TPCN2: variants seen among roughly 807,000 people sequenced by gnomAD.
The protein encoded by TPCN2 is two pore segment channel 2.
A neutral mutation model predicts 111.4 loss-of-function variants in TPCN2; 92 were observed. The observed-to-expected ratio is 0.83, with a 90% CI of 0.70 to 0.98. The LOEUF (loss-of-function observed/expected upper bound fraction) is 0.98. TPCN2 is among the 50% of genes least tolerant of loss of function. TPCN2 has a pLI of 0.00. For missense variants in TPCN2, 995 were observed against 980.1 expected, an observed-to-expected ratio of 1.02 and a Z score of -0.20; for synonymous variants, 405 against 414.5, an observed-to-expected ratio of 0.98 and a Z score of 0.28.
Position 69,087,910 on chromosome 11 carries a change from C to T in TPCN2, c.2216C>T (p.Thr739Ile). 1.2e-6 allele frequency: 2 copies of T among 1,612,486 alleles called. No individual in the cohort carries two copies. The highest frequency in any genetic ancestry group is 8.5e-7 in the Non-Finnish European group (1 of 1,179,886). The change falls in exon 25 of 25, where the codon ACA (threonine) becomes ATA (isoleucine). Residue 739 changes from threonine to isoleucine, a missense_variant. Coordinates refer to ENST00000294309, the MANE Select transcript of TPCN2 (RefSeq NM_139075.4). ...ILEEPGEDEL[T>I]ERLSQHPHLW... ...GAGGAGCCCGGGGAGGATGAGCTCACAGAGAGGCTGAGCCAGCACCCGCAC... is the reference window on the plus strand; with the variant it reads ...GAGGAGCCCGGGGAGGATGAGCTCATAGAGAGGCTGAGCCAGCACCCGCAC...
At chr11:69,054,913 G>C (rs142189338) in intron 3 of TPCN2, 116 bp downstream of exon 3, 3 of 1,065,938 alleles carry the variant, frequency 2.8e-6, no homozygotes, top group African/African-American at 3.1e-5. Context: ...CCACTACATA[G>C]ATAGGGCGGT....
chr11:69,078,456 T>C lies in TPCN2; in HGVS notation c.1231-26T>C. 4 of 1,613,348 alleles carry C rather than the reference T, an allele frequency of 2.5e-6. No homozygotes were observed. The South Asian group carries it at 4.4e-5, about 18-fold the overall frequency. The stretch of plus-strand genomic sequence containing the variant: ...ACAGCCACGGCTGCTGGCCTGTGCT[T>C]CTGAGCACGTGTGTTCCTTGCCCAG... On this transcript the variant is annotated intron_variant, in intron 13 of 24. Transcript: ENST00000294309.
chr11:69,063,536 C>T (rs887233148), intron 6 of TPCN2, among the ~76,000 whole-genome samples: 6 of 152,226 alleles, frequency 3.9e-5, no homozygotes, highest in East Asian at 3.9e-4. Flanking sequence ...CCAGTGGCAG[C>T]GTTGCCCGAG....
At chr11:69,085,343 G>GT in intron 20 of TPCN2, 57 bp downstream of exon 20, 3 of 581,882 alleles carry the variant, frequency 5.2e-6, no homozygotes, top group East Asian at 4.3e-5. Context: ...GGGTGGGCGG[G>GT]AAGCCTTGGC....
chr11:69,085,833 T>TCTCTGCCCCCGCAGGCTGCC lies in TPCN2; in HGVS notation c.1921-12_1928dup. 3.1e-6 allele frequency: 5 copies of TCTCTGCCCCCGCAGGCTGCC among 1,613,808 alleles called. No homozygotes were observed. Among genetic ancestry groups the TCTCTGCCCCCGCAGGCTGCC allele is most frequent in the Non-Finnish European group, 4.2e-6 (5 of 1,179,944 alleles). On this transcript the variant is annotated splice_polypyrimidine_tract_variant and intron_variant, in intron 21 of 24. Transcript: ENST00000294309. ...CTCCTGGGCCCTCCTGGACCGCTGG[T>TCTCTGCCCCCGCAGGCTGCC]CTCTGCCCCCGCAGGCTGCCCTGGT...
chr11:69,084,955 C>T (rs370595182), intron 19 of TPCN2: 2 of 384,780 alleles, frequency 5.2e-6, no homozygotes, highest in Non-Finnish European at 7.1e-6. Context: ...GCCAGGGTAC[C>T]TGGGGGCAGG....
intron 1 of TPCN2, among the ~76,000 whole-genome samples, chr11:69,051,426 T>C (rs1342600282): frequency 6.6e-6 from 1 of 152,204 alleles, no homozygotes; most frequent in Non-Finnish European, 1.5e-5. Context: ...ACTTAGCTCC[T>C]ATTGGGTGGG....
chr11:69,079,727 C>A, intron 16 of TPCN2, 107 bp from the exon 17 acceptor site: 1 of 1,032,806 alleles, frequency 9.7e-7, no homozygotes, highest in South Asian at 1.6e-5. Flanking sequence ...TCCCCAAAAG[C>A]CCCTTTTGGG....
At chr11:69,071,130 G>A (rs139445063) in intron 9 of TPCN2, among the ~76,000 whole-genome samples, 12,651 of 135,088 alleles carry the variant, frequency 0.094, 846 homozygotes, top group South Asian at 0.15. Context: ...TTCACCCCAG[G>A]GATCCCCCAC....
Position 69,055,273 on chromosome 11 carries a change from C to T in TPCN2, c.350C>T (p.Pro117Leu), listed in dbSNP as rs1213920004. 1.9e-6 allele frequency: 3 copies of T among 1,614,106 alleles called. No individual in the cohort carries two copies. The highest frequency in any genetic ancestry group is 4.5e-5 in the East Asian group (2 of 44,880). The change falls in exon 4 of 25, where the codon CCC becomes CTC. Residue 117 changes from proline (P) to leucine (L), a missense_variant. Coordinates refer to ENST00000294309, the MANE Select transcript of TPCN2 (RefSeq NM_139075.4). ...GCGGACGTGCGCTACCGCGCTGCTC[C>T]CTGGGAGCCGCCCTGCGGCCTGACC... ...STADVRYRAA[P>L]WEPPCGLTES...
At chr11:69,064,432 G>T (rs1193466499) in intron 7 of TPCN2, among the ~76,000 whole-genome samples, 1 of 152,000 alleles carries the variant, frequency 6.6e-6, no homozygotes, top group African/African-American at 2.4e-5. Flanking sequence ...CCAAGGCTGC[G>T]CTGGCCTACT....
intron 13 of TPCN2, among the ~76,000 whole-genome samples, chr11:69,073,521 G>A (rs1314550618): frequency 6.6e-6 from 1 of 152,256 alleles, no homozygotes; most frequent in African/African-American, 2.4e-5. Flanking sequence ...GCCAGACCCT[G>A]GAACAGGGAT....
At chr11:69,066,854 C>T (rs1196340187) in intron 7 of TPCN2, among the ~76,000 whole-genome samples, 5 of 152,154 alleles carry the variant, frequency 3.3e-5, no homozygotes, top group Non-Finnish European at 7.4e-5. Context: ...GTGAGAGCCC[C>T]GGGCCCGGAG....
Position 69,055,266 on chromosome 11 carries a change from G to C in TPCN2, c.343G>C (p.Ala115Pro). Residue 115 changes from alanine to proline, a missense_variant, in exon 4 of 25, where the codon GCT becomes CCT. By Grantham distance (27) the Ala-to-Pro change is conservative. Coordinates refer to ENST00000294309, the MANE Select transcript of TPCN2 (RefSeq NM_139075.4). Reference protein sequence around the residue: ...LTSTADVRYRAAPWEPPCGLT... With the variant: ...LTSTADVRYRPAPWEPPCGLT... ...CAGCACGGCGGACGTGCGCTACCGC[G>C]CTGCTCCCTGGGAGCCGCCCTGCGG... 1 of 1,614,132 alleles carries C rather than the reference G, an allele frequency of 6.2e-7. No homozygotes were observed. Among genetic ancestry groups the C allele is most frequent in the Non-Finnish European group, 8.5e-7 (1 of 1,179,994 alleles).
chr11:69,066,644 C>T (rs1425080779), intron 7 of TPCN2, among the ~76,000 whole-genome samples: 12 of 152,220 alleles, frequency 7.9e-5, no homozygotes, highest in Admixed American at 3.9e-4. Flanking sequence ...GGCCTGCCTG[C>T]GGGGTTGCCC....
chr11:69,057,489 C>T (rs1176777449), intron 4 of TPCN2, 89 bp from the exon 5 acceptor site: 2 of 1,268,558 alleles, frequency 1.6e-6, no homozygotes, highest in African/African-American at 2.9e-5. Context: ...GCTCTGGTCG[C>T]CTGGTCCCTG....
rs1856385072 is a variant in TPCN2 at position 69,089,748 on chromosome 11, A to G, written c.*1795A>G. The G allele has an allele frequency of 6.6e-6, 1 of 152,218 alleles. No individual in the cohort carries two copies. 9.4% of individuals were successfully genotyped at this position (152,218 alleles called of 1,614,324 possible). ...GGGGAGGTAGTGTGAAGCGATGCCAATATCCCATCCCTGTCAAACTGCCTT... is the reference window on the plus strand; with the variant it reads ...GGGGAGGTAGTGTGAAGCGATGCCAGTATCCCATCCCTGTCAAACTGCCTT... On this transcript the variant is annotated 3_prime_UTR_variant, in exon 25 of 25. Coordinates refer to ENST00000294309, the MANE Select transcript of TPCN2 (RefSeq NM_139075.4).
In TPCN2 at chr11:69,074,490, T is replaced by C. The variant is rs74700305; in HGVS notation, c.1230+1489T>C. On this transcript the variant is annotated intron_variant, in intron 13 of 24. Transcript: ENST00000294309. Reference sequence around the variant, plus strand: ...TACCAGGTGCAGATTTCACAGAAACTGTGGAGATGGTCCTCAGATAACAGA... The same window carrying C: ...TACCAGGTGCAGATTTCACAGAAACCGTGGAGATGGTCCTCAGATAACAGA... Among the ~76,000 whole-genome samples the C allele has an allele frequency of 1.2e-3, 186 of 152,280 alleles. 3 individuals carry two copies. The East Asian group carries it at 0.028, about 23-fold the overall frequency.
intron 5 of TPCN2, 22 bp from the exon 6 acceptor site, chr11:69,062,862 C>T: frequency 1.2e-6 from 2 of 1,609,940 alleles, no homozygotes; most frequent in South Asian, 1.1e-5. Flanking sequence ...ACGTGGTCCT[C>T]AGTTTCCTGG....
Sources: gnomAD v4.1 joint callset for allele counts (sites outside exome capture counted in the v4.1 genomes callset) on GRCh38, gnomAD v4.1.1 for gene constraint, MANE v1.5 for transcripts, NCBI Gene and HGNC (gene_info 2026-07-23, HGNC 2026-07-21) for gene names.